The following PLCZ1 variants were observed in gnomAD, a reference collection of about 807,000 sequenced individuals.
PLCZ1 encodes the protein phospholipase C zeta 1.
PLCZ1 carries 64 observed loss-of-function variants against 76.8 expected under a neutral mutation model. The observed-to-expected ratio is 0.83, with a 90% CI of 0.68 to 1.03. The LOEUF is 1.03. Among genes scored for constraint, PLCZ1 ranks in the 50% least tolerant of loss-of-function variants. PLCZ1 has a pLI of 0.00. For missense variants in PLCZ1, 751 were observed against 713.7 expected (o/e 1.05, Z -0.60); for synonymous variants, 248 against 230.8 (o/e 1.07, Z -0.68).
In PLCZ1 at chr12:18,736,285, G is replaced by GT. The variant is rs1959237869; in HGVS notation, c.70dup (p.Thr24AsnfsTer6). On this transcript the variant is annotated frameshift_variant, in exon 3 of 15. Coordinates refer to ENST00000266505, the MANE Select transcript of PLCZ1 (RefSeq NM_033123.4). LOFTEE classifies it high-confidence loss of function. ...ATCTAATTTTTCAAGTAACCTCTGAGTTTTTTCTAGGTTAATTTTTCCACC... is the reference window on the plus strand; with the variant it reads ...ATCTAATTTTTCAAGTAACCTCTGAGTTTTTTTCTAGGTTAATTTTTCCACC... The GT allele has an allele frequency of 6.2e-7, 1 of 1,612,388 alleles. No homozygotes were observed. The highest frequency in any genetic ancestry group is 1.3e-5 in the African/African-American group (1 of 74,820).
At chr12:18,680,737 G>C (rs1400206414), downstream of PLCZ1, among the ~76,000 whole-genome samples, 1 of 152,014 alleles carries the variant, frequency 6.6e-6, no homozygotes, top group Non-Finnish European at 1.5e-5. Flanking sequence ...GACACAACAT[G>C]GGAAGCCATA....
intron 12 of PLCZ1, among the ~76,000 whole-genome samples, chr12:18,689,798 G>A (rs892694585): frequency 6.6e-6 from 1 of 152,142 alleles, no homozygotes; most frequent in African/African-American, 2.4e-5. Flanking sequence ...AAGCAGCAAT[G>A]TCAAATGCCT....
the PLCZ1 span, among the ~76,000 whole-genome samples, chr12:18,646,666 T>C: frequency 6.6e-6 from 1 of 152,132 alleles, no homozygotes; most frequent in Non-Finnish European, 1.5e-5. Flanking sequence ...GTTTCTATCT[T>C]GTGACTTGGC....
chr12:18,722,972 A>G (rs1225402060), intron 4 of PLCZ1, among the ~76,000 whole-genome samples: 1 of 151,978 alleles, frequency 6.6e-6, no homozygotes, highest in Non-Finnish European at 1.5e-5. Context: ...TATCTTATTC[A>G]TGAGATCAAG....
chr12:18,649,634 G>T, the PLCZ1 span, among the ~76,000 whole-genome samples: 2 of 152,042 alleles, frequency 1.3e-5, no homozygotes, highest in African/African-American at 4.8e-5. Context: ...TTCTCTTAGA[G>T]CCATTACAAG....
chr12:18,670,895 A>G, the PLCZ1 span, among the ~76,000 whole-genome samples: 31 of 152,158 alleles, frequency 2.0e-4, no homozygotes, highest in Admixed American at 2.0e-3. Context: ...AAACAAACAC[A>G]GTTTCGGCCG....
the PLCZ1 span, among the ~76,000 whole-genome samples, chr12:18,662,350 G>C: frequency 2.0e-5 from 3 of 151,880 alleles, no homozygotes; most frequent in African/African-American, 7.3e-5. Flanking sequence ...ACAAAATTGA[G>C]GGAGAAATTA....
chr12:18,713,304 ATCCCTAC>A (rs1957562405), intron 5 of PLCZ1, among the ~76,000 whole-genome samples: 1 of 152,180 alleles, frequency 6.6e-6, no homozygotes, highest in Non-Finnish European at 1.5e-5. Context: ...GCTCTGAAAC[ATCCCTAC>A]TCCCAACCCA....
chr12:18,681,942 G>A (rs1952455472), downstream of PLCZ1, among the ~76,000 whole-genome samples: 1 of 151,984 alleles, frequency 6.6e-6, no homozygotes, highest in Non-Finnish European at 1.5e-5. Flanking sequence ...AGGAGATTAG[G>A]GAAGGGTAAA....
chr12:18,660,527 C>A, the PLCZ1 span, among the ~76,000 whole-genome samples: 1 of 152,058 alleles, frequency 6.6e-6, no homozygotes, highest in Non-Finnish European at 1.5e-5. Context: ...AAATTAAAAG[C>A]AACCACATAT....
chr12:18,659,214 G>T, the PLCZ1 span, among the ~76,000 whole-genome samples: 4 of 152,048 alleles, frequency 2.6e-5, no homozygotes, highest in African/African-American at 9.7e-5. Flanking sequence ...CCAACTTTAG[G>T]CACTAAATAA....
intron 8 of PLCZ1, 56 bp downstream of exon 8, chr12:18,701,625 TCCTCCTCCTCC>T: frequency 1.9e-6 from 3 of 1,556,296 alleles, no homozygotes; most frequent in East Asian, 4.7e-5. Flanking sequence ...CTCCTCCTCC[TCCTCCTCCTCC>T]TCCTCCTCCT....
In PLCZ1 at chr12:18,688,172, T is replaced by C; in HGVS notation, c.1508A>G (p.Lys503Arg). Residue 503 changes from lysine (K) to arginine (R), a missense_variant, in exon 13 of 15, where the codon AAA (lysine) becomes AGA (arginine). Coordinates refer to ENST00000266505, the MANE Select transcript of PLCZ1 (RefSeq NM_033123.4). ...TTCTATAATTACTAATGAATCACCT[T>C]TGTTAGATGATGAATGAGTAAGAGG... Reference protein sequence around the residue: ...QLPLTHSSSNKGDSLVIIEVF... With the variant: ...QLPLTHSSSNRGDSLVIIEVF... 3 of 1,610,922 alleles carry C rather than the reference T, an allele frequency of 1.9e-6. No individual in the cohort carries two copies. Among genetic ancestry groups the C allele is most frequent in the Non-Finnish European group, 2.5e-6 (3 of 1,178,522 alleles).
At chr12:18,677,451 G>A in the PLCZ1 span, among the ~76,000 whole-genome samples, 6 of 152,066 alleles carry the variant, frequency 3.9e-5, no homozygotes, top group East Asian at 1.2e-3. Flanking sequence ...ATAGAGGGCT[G>A]GTTAGAAGGC....
At chr12:18,645,903 C>T in the PLCZ1 span, among the ~76,000 whole-genome samples, 1 of 152,152 alleles carries the variant, frequency 6.6e-6, no homozygotes, top group Non-Finnish European at 1.5e-5. Context: ...TACAGTCACA[C>T]TTTGAGGGTT....
chr12:18,700,057 A>T, intron 9 of PLCZ1, 107 bp from the exon 10 acceptor site: 2 of 960,110 alleles, frequency 2.1e-6, no homozygotes, highest in Non-Finnish European at 1.6e-6. Flanking sequence ...TCATCTTTTC[A>T]TAAGATTATC....
At chr12:18,728,631 A>G (rs536410736) in intron 3 of PLCZ1, among the ~76,000 whole-genome samples, 214 of 152,272 alleles carry the variant, frequency 1.4e-3, no homozygotes, top group Non-Finnish European at 2.8e-3. Context: ...TAGAAGTCAG[A>G]ACAGGGAAAT....
chr12:18,689,631 A>C (rs1243135205), intron 12 of PLCZ1, among the ~76,000 whole-genome samples: 1 of 152,158 alleles, frequency 6.6e-6, no homozygotes, highest in African/African-American at 2.4e-5. Flanking sequence ...ATGCAGAGGA[A>C]GGGATATCAA....
chr12:18,718,776 G>C (rs1034886212), intron 5 of PLCZ1, among the ~76,000 whole-genome samples: 21 of 152,076 alleles, frequency 1.4e-4, no homozygotes, highest in East Asian at 5.8e-4. Flanking sequence ...TTTTTACCTG[G>C]TTATTATCTG....
Sources: allele counts gnomAD v4.1 joint callset (sites outside exome capture counted in the v4.1 genomes callset), GRCh38; gene constraint gnomAD v4.1.1; transcripts MANE v1.5; gene names NCBI Gene and HGNC (gene_info 2026-07-23, HGNC 2026-07-21).